Variants in TYW1B observed in about 807,000 individuals in gnomAD.
TYW1B encodes tRNA-yW synthesizing protein 1 homolog B, also known as S-adenosyl-L-methionine-dependent tRNA 4-demethylwyosine synthase TYW1B.
A neutral mutation model predicts 86.9 loss-of-function variants in TYW1B; 73 were observed. That is an observed-to-expected ratio of 0.84 (90% CI 0.70 to 1.02). TYW1B has a LOEUF of 1.02. Ranked by LOEUF, TYW1B falls within the 50% of genes least tolerant of loss-of-function variation. The pLI is 0.00. For synonymous variants in TYW1B, 248 were observed against 292.8 expected, an observed-to-expected ratio of 0.85 and a Z score of 1.56; for missense variants, 637 against 827.4, an observed-to-expected ratio of 0.77 and a Z score of 2.82.
intron 11 of TYW1B, among the ~76,000 whole-genome samples, chr7:72,673,629 G>A (rs1813663874): frequency 6.6e-6 from 1 of 152,168 alleles, no homozygotes; most frequent in South Asian, 2.1e-4. Context: ...TGGGAGGAAG[G>A]TGGGATGGTT....
At chr7:72,788,060 C>A (rs1554472829) in intron 6 of TYW1B, among the ~76,000 whole-genome samples, 1 of 151,928 alleles carries the variant, frequency 6.6e-6, no homozygotes, top group Non-Finnish European at 1.5e-5. Context: ...TCACTGCAAG[C>A]TCCACCTCCT....
At chr7:72,746,759 G>GGTA (rs1787402654) in intron 7 of TYW1B, among the ~76,000 whole-genome samples, 1 of 152,146 alleles carries the variant, frequency 6.6e-6, no homozygotes, top group South Asian at 2.1e-4. Context: ...GAGCAACCAA[G>GGTA]GTAGCTTCGC....
At chr7:72,693,049 C>A (rs1289564757) in intron 11 of TYW1B, among the ~76,000 whole-genome samples, 1 of 152,062 alleles carries the variant, frequency 6.6e-6, no homozygotes, top group Non-Finnish European at 1.5e-5. Context: ...CCTGGGATGT[C>A]TAACAAGCAG....
intron 7 of TYW1B, among the ~76,000 whole-genome samples, chr7:72,751,826 A>G (rs1316459444): frequency 6.6e-6 from 1 of 152,196 alleles, no homozygotes; most frequent in Non-Finnish European, 1.5e-5. Context: ...TCTATGTGCT[A>G]TGGTTCCAAT....
chr7:72,605,192 A>G (rs1811764891), intron 13 of TYW1B, among the ~76,000 whole-genome samples: 1 of 152,216 alleles, frequency 6.6e-6, no homozygotes, highest in Non-Finnish European at 1.5e-5. Context: ...GAAGTATTCC[A>G]GGTATGAATA....
At chr7:72,657,234 G>A (rs1216124922) in intron 11 of TYW1B, among the ~76,000 whole-genome samples, 3 of 152,034 alleles carry the variant, frequency 2.0e-5, no homozygotes, top group Non-Finnish European at 2.9e-5. Flanking sequence ...GCTTCAACAC[G>A]AGATTAGAGT....
At chr7:72,592,043 G>A (rs59367931) in intron 13 of TYW1B, among the ~76,000 whole-genome samples, 7,963 of 151,138 alleles carry the variant, frequency 0.053, 519 homozygotes, top group East Asian at 0.32. Context: ...GGCTGGTCTC[G>A]AACTCCTGAC....
intron 2 of TYW1B, among the ~76,000 whole-genome samples, chr7:72,824,533 G>A (rs1266038475): frequency 6.6e-6 from 1 of 152,030 alleles, no homozygotes; most frequent in African/African-American, 2.4e-5. Context: ...CTGAGGTCAG[G>A]AGTTCGAGAG....
intron 4 of TYW1B, among the ~76,000 whole-genome samples, chr7:72,809,168 G>A (rs368879019): frequency 9.0e-4 from 135 of 150,478 alleles, no homozygotes; most frequent in African/African-American, 3.3e-3. Context: ...TCAGCCTCCC[G>A]AGTAGCTGGG....
intron 11 of TYW1B, among the ~76,000 whole-genome samples, chr7:72,681,121 G>A (rs797030148): frequency 0.024 from 3,049 of 129,228 alleles, no homozygotes; most frequent in African/African-American, 0.047. Flanking sequence ...ATAGGTGGCA[G>A]AGCCAGTATC....
intron 9 of TYW1B, among the ~76,000 whole-genome samples, chr7:72,715,678 CA>C (rs1786765937): frequency 1.3e-5 from 2 of 151,504 alleles, no homozygotes; most frequent in African/African-American, 4.9e-5. Flanking sequence ...ATCTGTACAA[CA>C]AACCCCCATG....
chr7:72,757,485 C>T (rs1554466441), intron 7 of TYW1B, among the ~76,000 whole-genome samples: 2 of 151,654 alleles, frequency 1.3e-5, no homozygotes, highest in Non-Finnish European at 1.5e-5. Context: ...ACTACAAAAG[C>T]TCACATAATC....
At chr7:72,664,224 A>T (rs1174208374) in intron 11 of TYW1B, among the ~76,000 whole-genome samples, 3 of 151,904 alleles carry the variant, frequency 2.0e-5, no homozygotes, top group Non-Finnish European at 4.4e-5. Flanking sequence ...GGCATCAATA[A>T]TCTCCGATTT....
At chr7:72,806,873 G>A (rs1788505424) in intron 5 of TYW1B, among the ~76,000 whole-genome samples, 193 bp downstream of exon 5, 1 of 152,004 alleles carries the variant, frequency 6.6e-6, no homozygotes, top group Non-Finnish European at 1.5e-5. Flanking sequence ...GGCTGGTCTT[G>A]AACTCCTGGA....
intron 2 of TYW1B, among the ~76,000 whole-genome samples, chr7:72,819,455 G>C (rs1788787651): frequency 6.7e-6 from 1 of 148,246 alleles, no homozygotes; most frequent in South Asian, 2.1e-4. Context: ...TTTTTTGAGA[G>C]AAGGTCTCAC....
At chr7:72,766,398 G>C (rs1554468364) in intron 7 of TYW1B, among the ~76,000 whole-genome samples, 2 of 151,970 alleles carry the variant, frequency 1.3e-5, no homozygotes, top group African/African-American at 4.8e-5. Flanking sequence ...TGGATCACTT[G>C]AGGTCAGGAG....
At chr7:72,653,801 G>T (rs1554443189) in intron 11 of TYW1B, among the ~76,000 whole-genome samples, 2 of 151,816 alleles carry the variant, frequency 1.3e-5, no homozygotes, top group Non-Finnish European at 2.9e-5. Context: ...TCCTTAGCAG[G>T]CCAGGCGTGG....
At chr7:72,647,559 C>G (rs139605416) in intron 11 of TYW1B, among the ~76,000 whole-genome samples, 2 of 152,310 alleles carry the variant, frequency 1.3e-5, no homozygotes, top group East Asian at 3.9e-4. Context: ...CCCAACATAT[C>G]TGAGGAACAT....
intron 11 of TYW1B, among the ~76,000 whole-genome samples, chr7:72,673,073 CAGG>C (rs1813649882): frequency 6.6e-6 from 1 of 152,174 alleles, no homozygotes; most frequent in South Asian, 2.1e-4. Flanking sequence ...GAGGCTGAGG[CAGG>C]AGAATTGCTT....
Sources: gnomAD v4.1 joint callset for allele counts (sites outside exome capture counted in the v4.1 genomes callset) on GRCh38, gnomAD v4.1.1 for gene constraint, MANE v1.5 for transcripts, NCBI Gene and HGNC (gene_info 2026-07-23, HGNC 2026-07-21) for gene names.